ZNF69: variants seen among roughly 807,000 people sequenced by gnomAD.
The protein encoded by ZNF69 is zinc finger protein 69.
Under a neutral mutation model 50.9 loss-of-function variants are expected in ZNF69, and 47 were observed. The observed-to-expected ratio is 0.92, with a 90% CI of 0.73 to 1.18. The LOEUF is 1.18. Ranked by LOEUF, ZNF69 falls within the 50% of genes most tolerant of loss-of-function variation. ZNF69 has a pLI of 0.00. For synonymous variants in ZNF69, 216 were observed against 223.1 expected (o/e 0.97, Z 0.29); for missense variants, 717 against 675.1 (o/e 1.06, Z -0.69).
chr19:11,909,603 C>T (rs541492800), downstream of ZNF69, among the ~76,000 whole-genome samples: 21 of 152,146 alleles, frequency 1.4e-4, 1 homozygote, highest in South Asian at 6.2e-4. Context: ...AAAAGGCCTT[C>T]GACAAAATTC....
chr19:11,950,087 C>T, the ZNF69 span: 2 of 1,614,050 alleles, frequency 1.2e-6, no homozygotes, highest in African/African-American at 1.3e-5. Context: ...TTCACATCTG[C>T]CAAGATTCTT....
At chr19:11,978,429 G>T in the ZNF69 span, 1 of 1,614,048 alleles carries the variant, frequency 6.2e-7, no homozygotes, top group Non-Finnish European at 8.5e-7. Flanking sequence ...TCACACCGGA[G>T]AGAAACCCTA....
At chr19:11,922,334 CT>C in the ZNF69 span, among the ~76,000 whole-genome samples, 1 of 152,180 alleles carries the variant, frequency 6.6e-6, no homozygotes, top group Non-Finnish European at 1.5e-5. Context: ...TGTTTGGCAT[CT>C]GTAAGACAGC....
chr19:11,939,330 G>A, the ZNF69 span, among the ~76,000 whole-genome samples: 7 of 152,260 alleles, frequency 4.6e-5, no homozygotes, highest in South Asian at 1.5e-3. Context: ...TATTGCCTAG[G>A]TTTTCTTCTA....
the ZNF69 span, chr19:11,950,447 G>T: frequency 1.4e-6 from 1 of 720,508 alleles, no homozygotes; most frequent in Admixed American, 2.3e-5. Context: ...TGTCATGAAA[G>T]GACTCACACG....
At chr19:11,952,702 C>T in the ZNF69 span, among the ~76,000 whole-genome samples, 3 of 152,310 alleles carry the variant, frequency 2.0e-5, no homozygotes, top group Non-Finnish European at 4.4e-5. Flanking sequence ...AATGCATCCT[C>T]ATCAGTGAAG....
At chr19:11,946,230 G>A in the ZNF69 span, among the ~76,000 whole-genome samples, 1 of 152,064 alleles carries the variant, frequency 6.6e-6, no homozygotes, top group Non-Finnish European at 1.5e-5. Context: ...TAAATGAGCT[G>A]CCAAGGGAGG....
the ZNF69 span, among the ~76,000 whole-genome samples, chr19:11,927,273 GA>G: frequency 1.3e-5 from 2 of 151,996 alleles, no homozygotes; most frequent in Non-Finnish European, 2.9e-5. Flanking sequence ...AGAATCACTT[GA>G]ACCCCAGAGG....
the ZNF69 span, among the ~76,000 whole-genome samples, chr19:11,964,082 A>G: frequency 2.6e-5 from 4 of 152,242 alleles, no homozygotes. Flanking sequence ...GCCCCAGGCC[A>G]GTGACTCCAC....
the ZNF69 span, among the ~76,000 whole-genome samples, chr19:11,952,025 A>C: frequency 1.3e-5 from 2 of 152,154 alleles, no homozygotes; most frequent in African/African-American, 4.8e-5. Flanking sequence ...AATTACAAAA[A>C]TTAGCCAGGT....
chr19:11,949,242 A>C, the ZNF69 span: 2 of 1,613,958 alleles, frequency 1.2e-6, no homozygotes, highest in Non-Finnish European at 1.7e-6. Flanking sequence ...GTTCCTTTCG[A>C]TATCATGAAA....
At chr19:11,904,598 T>C (rs377606212) in intron 3 of ZNF69, 51 bp from the exon 4 acceptor site, 1 of 1,578,402 alleles carries the variant, frequency 6.3e-7, no homozygotes, top group Non-Finnish European at 8.6e-7. Context: ...TTGATTAATA[T>C]AAAATTACTT....
chr19:11,887,818 A>T lies in ZNF69; in HGVS notation c.-106A>T, dbSNP rs138167769. On this transcript the variant is annotated 5_prime_UTR_variant, in exon 1 of 4. Transcript: ENST00000429654. ...AGACACTGAGGGGGTCGCATTCCTT[A>T]CCTCACCTTTGTCCCTGCGCGGGCT... is the stretch of plus-strand genomic sequence containing the variant. 1.1e-6 allele frequency: 1 copy of T among 948,402 alleles called. No individual in the cohort carries two copies. Among genetic ancestry groups the T allele is most frequent in the East Asian group, 2.8e-5 (1 of 35,596 alleles). The allele number at this position is 948,402 out of a possible 1,614,324, so 58.7% of individuals were successfully genotyped here. A position where few individuals can be genotyped will look rare whatever the true frequency, so the allele number is the denominator to read the frequency against.
At chr19:11,976,808 C>T in the ZNF69 span, 10 of 1,248,618 alleles carry the variant, frequency 8.0e-6, no homozygotes, top group South Asian at 5.4e-5. Flanking sequence ...GAGCCAAGAT[C>T]GCATCATTAT....
chr19:11,978,789 T>C, the ZNF69 span: 2 of 1,614,130 alleles, frequency 1.2e-6, no homozygotes, highest in Non-Finnish European at 1.7e-6. Context: ...ATGTAAACAA[T>C]GTGGCAAATC....
chr19:11,971,617 A>G, the ZNF69 span, among the ~76,000 whole-genome samples: 1 of 152,240 alleles, frequency 6.6e-6, no homozygotes, highest in African/African-American at 2.4e-5. Context: ...CAAAGAGGTT[A>G]CATCATAGTG....
chr19:11,976,007 C>T, the ZNF69 span, among the ~76,000 whole-genome samples: 1 of 149,858 alleles, frequency 6.7e-6, no homozygotes, highest in Middle Eastern at 3.4e-3. Flanking sequence ...TCCTGGGCAT[C>T]ATAATGGATG....
At chr19:11,968,987 G>A in the ZNF69 span, among the ~76,000 whole-genome samples, 2 of 152,324 alleles carry the variant, frequency 1.3e-5, no homozygotes, top group South Asian at 2.1e-4. Flanking sequence ...TCAGGGAAAG[G>A]AGGGTTCCAG....
At chr19:11,949,852 C>A in the ZNF69 span, 4 of 1,613,946 alleles carry the variant, frequency 2.5e-6, no homozygotes, top group Non-Finnish European at 3.4e-6. Flanking sequence ...CCTTCGAAAG[C>A]ATGGTAGGAC....
Sources: allele counts gnomAD v4.1 joint callset (sites outside exome capture counted in the v4.1 genomes callset), GRCh38; gene constraint gnomAD v4.1.1; transcripts MANE v1.5; gene names NCBI Gene and HGNC (gene_info 2026-07-23, HGNC 2026-07-21).